The following RNF111 variants were observed in gnomAD, a reference collection of about 807,000 sequenced individuals.
RNF111 encodes the protein ring finger protein 111, also known as E3 ubiquitin-protein ligase Arkadia.
Under a neutral mutation model 95.1 loss-of-function variants are expected in RNF111, and 17 were observed. That is an observed-to-expected ratio of 0.18 (90% CI 0.12 to 0.27). The LOEUF is 0.27. Ranked by LOEUF, RNF111 falls within the 10% of genes least tolerant of loss-of-function variation. The probability of loss-of-function intolerance (pLI) is 1.00; values close to 1 mark genes in which losing one functional copy is unlikely to be tolerated. For synonymous variants in RNF111, 440 were observed against 414.8 expected (o/e 1.06, Z -0.74); for missense variants, 1,189 against 1,210.4 (o/e 0.98, Z 0.26).
intron 3 of RNF111, among the ~76,000 whole-genome samples, chr15:59,054,128 G>A (rs762872413): frequency 6.6e-6 from 1 of 151,912 alleles, no homozygotes; most frequent in Non-Finnish European, 1.5e-5. Flanking sequence ...TAGTAGAGAC[G>A]GGGTTTCAGC....
At chr15:59,046,742 C>G (rs2041729417) in intron 2 of RNF111, among the ~76,000 whole-genome samples, 1 of 152,136 alleles carries the variant, frequency 6.6e-6, no homozygotes, top group East Asian at 1.9e-4. Context: ...AAATTAGAGA[C>G]TTTCGTGCTT....
At chr15:58,991,408 C>CACTG (rs2141352844) in intron 1 of RNF111, among the ~76,000 whole-genome samples, 1 of 152,344 alleles carries the variant, frequency 6.6e-6, no homozygotes, top group South Asian at 2.1e-4. Context: ...TAGGCACAGT[C>CACTG]ACTGGTCTTC....
Position 59,066,811 on chromosome 15 carries a change from C to T in RNF111, c.1414C>T (p.Pro472Ser), listed in dbSNP as rs1414489069. 5.0e-6 allele frequency: 8 copies of T among 1,614,064 alleles called. No homozygotes were observed. The highest frequency in any genetic ancestry group is 6.8e-6 in the Non-Finnish European group (8 of 1,180,004). The change falls in exon 6 of 14, where the codon CCT becomes TCT. Residue 472 changes from proline (P) to serine (S), a missense_variant. Transcript: ENST00000348370. ...TSSAVTETGP[P>S]AMPRLPSCCP... ...TAGTGCTGTAACGGAAACTGGCCCT[C>T]CTGCAATGCCAAGGTTACCTTCCTG...
At chr15:59,072,638 G>C (rs2042987440) in intron 6 of RNF111, among the ~76,000 whole-genome samples, 1 of 151,596 alleles carries the variant, frequency 6.6e-6, no homozygotes, top group African/African-American at 2.4e-5. Context: ...TTTTTTAGTA[G>C]AGACGGGGTT....
chr15:59,022,759 T>C (rs566717443), intron 1 of RNF111, among the ~76,000 whole-genome samples: 1 of 152,340 alleles, frequency 6.6e-6, no homozygotes, highest in East Asian at 1.9e-4. Flanking sequence ...AATAGGAAAC[T>C]TCTCATTATT....
chr15:59,053,936 CTTAA>C (rs1474217592), intron 3 of RNF111, among the ~76,000 whole-genome samples: 2 of 151,936 alleles, frequency 1.3e-5, no homozygotes, highest in South Asian at 4.2e-4. Flanking sequence ...GTTTATTTTA[CTTAA>C]TTATTTATTT....
At chr15:59,000,583 G>A (rs530808383) in intron 1 of RNF111, among the ~76,000 whole-genome samples, 11 of 151,726 alleles carry the variant, frequency 7.2e-5, no homozygotes, top group South Asian at 4.2e-4. Flanking sequence ...GGTGGCGGGC[G>A]CCTATAATCC....
In RNF111 at chr15:59,052,369, A is replaced by G. The variant is rs767884130; in HGVS notation, c.945A>G (p.Glu315=). Residue 315 remains glutamate (E), a synonymous_variant, in exon 3 of 14, where the codon GAA becomes GAG. Transcript: ENST00000348370. The part of the protein sequence containing the change: ...ASSTPQVTAN[E]EINVTSTDSE... ...CCACTCCCCAGGTTACTGCCAATGA[A>G]GAAATTAATGTTACCTCAACTGACA... 4 of 1,607,234 alleles carry G rather than the reference A, an allele frequency of 2.5e-6. No individual in the cohort carries two copies. The highest frequency in any genetic ancestry group is 1.1e-5 in the South Asian group (1 of 89,714).
chr15:59,077,002 G>T (rs74017350), intron 7 of RNF111, among the ~76,000 whole-genome samples: 1 of 152,104 alleles, frequency 6.6e-6, no homozygotes, highest in African/African-American at 2.4e-5. Context: ...AATCTGCATC[G>T]TGCAGACGCA....
In RNF111 at chr15:59,076,136, A is replaced by G. The variant is rs995776979; in HGVS notation, c.1869A>G (p.Ser623=). The G allele has an allele frequency of 6.2e-6, 10 of 1,614,130 alleles. No homozygotes were observed. In the Admixed American group the frequency reaches 8.3e-5, roughly 13 times the overall value. ...QPLSSIDGYG[S]SMVAQPQPQP... ...TATCATCAATAGATGGCTATGGATC[A>G]AGCATGGTTGCGCAGCCCCAGCCCC... Residue 623 remains serine (S), a synonymous_variant, in exon 7 of 14, where the codon TCA becomes TCG. Transcript: ENST00000348370.
chr15:59,033,649 A>T (rs1477569750), intron 2 of RNF111, among the ~76,000 whole-genome samples: 10 of 152,226 alleles, frequency 6.6e-5, no homozygotes, highest in African/African-American at 9.6e-5. Flanking sequence ...GCTGATGTTT[A>T]TAGGGGAATG....
intron 1 of RNF111, among the ~76,000 whole-genome samples, chr15:58,991,581 GCCTT>G (rs1169989028): frequency 1.3e-5 from 2 of 152,190 alleles, no homozygotes; most frequent in African/African-American, 4.8e-5. Flanking sequence ...GTTAGGGAGG[GCCTT>G]TTTAGAGGTG....
Position 58,990,218 on chromosome 15 carries a change from G to A in RNF111, c.-20+2150G>A, listed in dbSNP as rs188852052. On this transcript the variant is annotated intron_variant, in intron 1 of 13. Coordinates refer to ENST00000348370, the MANE Select transcript of RNF111 (RefSeq NM_017610.8). Reference sequence around the variant, plus strand: ...GAGAATTGTAGAATAGATAACTTTCGTTTTCTTTAGGTCCCAAATTTAATG... The same window carrying A: ...GAGAATTGTAGAATAGATAACTTTCATTTTCTTTAGGTCCCAAATTTAATG... 6.1e-3 allele frequency among the ~76,000 whole-genome samples: 929 copies of A among 152,084 alleles called. 8 individuals are homozygous for A. Among genetic ancestry groups the A allele is most frequent in the African/African-American group, 0.02 (812 of 41,504 alleles).
rs975414327 is a variant in RNF111 at position 59,047,294 on chromosome 15, G to A, written c.881-5011G>A. On this transcript the variant is annotated intron_variant, in intron 2 of 13. Coordinates refer to ENST00000348370, the MANE Select transcript of RNF111 (RefSeq NM_017610.8). ...GAAGATCACTTGAGCTCAGGAATTC[G>A]AGACCAGCCTGAGCAACATATGAGA... 2.6e-5 allele frequency among the ~76,000 whole-genome samples: 4 copies of A among 152,096 alleles called. No individual in the cohort carries two copies. In the South Asian group the frequency reaches 6.2e-4, roughly 24 times the overall value.
At chr15:59,091,383 C>A (rs1229012742) in intron 12 of RNF111, among the ~76,000 whole-genome samples, 1 of 151,968 alleles carries the variant, frequency 6.6e-6, no homozygotes, top group African/African-American at 2.4e-5. Flanking sequence ...TTTAGATATT[C>A]TTCTAGATAT....
rs573552046 is a variant in RNF111, at chr15:59,044,220, G to A, written c.881-8085G>A. Among the ~76,000 whole-genome samples, 82 of 152,220 alleles carry A rather than the reference G, an allele frequency of 5.4e-4. No homozygotes were observed. In the South Asian group the frequency reaches 0.011, roughly 20 times the overall value. On this transcript the variant is annotated intron_variant, in intron 2 of 13. Transcript: ENST00000348370. The stretch of plus-strand genomic sequence containing the variant: ...TCATTTTTGTATTATTAATAGAGAC[G>A]GGGTTTTGCCATGTTGGCCAGATTG...
At chr15:59,026,723 GA>G (rs397710433) in intron 1 of RNF111, among the ~76,000 whole-genome samples, 1 of 150,904 alleles carries the variant, frequency 6.6e-6, no homozygotes, top group Non-Finnish European at 1.5e-5. Flanking sequence ...ATGGATTTTA[GA>G]AAAAAAAATT....
At position 59,058,035 on chromosome 15, in the gene RNF111, T is replaced by C. The variant is rs546659458; in HGVS notation, c.1172-321T>C. ...TGTGTACGTGCATAGTAAGGAACTT[T>C]TATTTCCTTTTACTGTTTTCTTCTT... On this transcript the variant is annotated intron_variant, in intron 4 of 13. Transcript: ENST00000348370. Among the ~76,000 whole-genome samples, 5 of 152,342 alleles carry C rather than the reference T, an allele frequency of 3.3e-5. No individual in the cohort carries two copies. In the East Asian group the frequency reaches 9.6e-4, roughly 29 times the overall value.
At chr15:59,083,984 T>C (rs2078823898) in intron 8 of RNF111, 145 bp from the exon 9 acceptor site, 2 of 569,214 alleles carry the variant, frequency 3.5e-6, no homozygotes, top group Non-Finnish European at 5.1e-6. Context: ...TTTTATATGT[T>C]TTTATAATTT....
Sources: allele counts gnomAD v4.1 joint callset (sites outside exome capture counted in the v4.1 genomes callset), GRCh38; gene constraint gnomAD v4.1.1; transcripts MANE v1.5; gene names NCBI Gene and HGNC (gene_info 2026-07-23, HGNC 2026-07-21).